Variants in ADK observed in about 807,000 individuals in gnomAD.
The protein encoded by ADK is N6,N6-dimethyladenosine kinase.
Under a neutral mutation model 44.7 loss-of-function variants are expected in ADK, and 24 were observed. That is an observed-to-expected ratio of 0.54 (90% CI 0.39 to 0.76). The LOEUF is 0.76. Among genes scored for constraint, ADK ranks in the 30% least tolerant of loss-of-function variants. The probability of loss-of-function intolerance (pLI) is 0.00; values close to 1 mark genes in which losing one functional copy is unlikely to be tolerated. For synonymous variants in ADK, 128 were observed against 142.6 expected (o/e 0.90, Z 0.73); for missense variants, 321 against 425.1 (o/e 0.76, Z 2.15).
chr10:74,493,504 A>G (rs1455848393), intron 6 of ADK, among the ~76,000 whole-genome samples: 1 of 151,210 alleles, frequency 6.6e-6, no homozygotes, highest in Non-Finnish European at 1.5e-5. Context: ...AGAGAGAGAT[A>G]TAGATATATA....
intron 3 of ADK, among the ~76,000 whole-genome samples, chr10:74,267,149 TAC>T (rs1327015467): frequency 6.6e-6 from 1 of 152,204 alleles, no homozygotes; most frequent in African/African-American, 2.4e-5. Flanking sequence ...TATATGCAAA[TAC>T]AGTTGACCCT....
chr10:74,474,635 C>A (rs1462062931), intron 6 of ADK, among the ~76,000 whole-genome samples: 1 of 151,732 alleles, frequency 6.6e-6, no homozygotes, highest in Non-Finnish European at 1.5e-5. Flanking sequence ...CCTCAGCATC[C>A]TGGGCTTAAT....
chr10:74,258,947 G>GTTTTTTTTTTTTTTT (rs141424052), intron 3 of ADK, among the ~76,000 whole-genome samples: 17 of 96,118 alleles, frequency 1.8e-4, no homozygotes, highest in East Asian at 5.5e-4. Flanking sequence ...TTGTTTTTGT[G>GTTTTTTTTTTTTTTT]TTTTTTTTTT....
At chr10:74,275,798 G>A (rs1209715839) in intron 3 of ADK, among the ~76,000 whole-genome samples, 4 of 151,996 alleles carry the variant, frequency 2.6e-5, no homozygotes, top group Admixed American at 1.3e-4. Context: ...GGACCACTAT[G>A]CCTGGGTAAT....
chr10:74,415,313 GAAAAT>G (rs912610024), intron 6 of ADK, among the ~76,000 whole-genome samples: 11 of 152,140 alleles, frequency 7.2e-5, no homozygotes, highest in Admixed American at 1.3e-4. Flanking sequence ...AGTTGCTTGA[GAAAAT>G]GAAATGTTTA....
chr10:74,550,289 T>TCGAACTCCTGACCTCAGG (rs1849986412), intron 7 of ADK, among the ~76,000 whole-genome samples: 1 of 152,074 alleles, frequency 6.6e-6, no homozygotes, highest in South Asian at 2.1e-4. Context: ...CAGGCTGGTC[T>TCGAACTCCTGACCTCAGG]CGAACTCCTG....
intron 3 of ADK, among the ~76,000 whole-genome samples, chr10:74,284,328 G>T (rs920369994): frequency 6.7e-6 from 1 of 148,534 alleles, no homozygotes; most frequent in Non-Finnish European, 1.5e-5. Context: ...GCAATGGCAC[G>T]ATCTCGGCTC....
At chr10:74,203,367 T>G (rs1326956275) in intron 2 of ADK, among the ~76,000 whole-genome samples, 2 of 151,234 alleles carry the variant, frequency 1.3e-5, no homozygotes, top group Non-Finnish European at 3.0e-5. Flanking sequence ...TGTTTTTTGT[T>G]TTTTTTTTGG....
intron 6 of ADK, among the ~76,000 whole-genome samples, chr10:74,410,613 A>T (rs1024261110): frequency 1.3e-5 from 2 of 152,102 alleles, no homozygotes; most frequent in African/African-American, 4.8e-5. Flanking sequence ...CCCAGGAGGC[A>T]GAGGTTGCGG....
At position 74,596,506 on chromosome 10, in the gene ADK, A is replaced by G. The variant is rs547376879; in HGVS notation, c.763-3873A>G. Among the ~76,000 whole-genome samples the G allele has an allele frequency of 5.3e-5, 8 of 151,640 alleles. No homozygotes were observed. In the South Asian group the frequency reaches 8.4e-4, roughly 16 times the overall value. On this transcript the variant is annotated intron_variant, in intron 8 of 10. Coordinates refer to ENST00000539909, the MANE Select transcript of ADK (RefSeq NM_006721.4). ...TGGGCTCAAGCAATCTGTAGATTCA[A>G]TGCAATCCCTATCAAAATTCCAATG... is the stretch of plus-strand genomic sequence containing the variant.
chr10:74,512,402 CT>C lies in ADK; in HGVS notation c.556-12837del, dbSNP rs36119808. Among the ~76,000 whole-genome samples, 881 of 128,506 alleles carry C rather than the reference CT, an allele frequency of 6.9e-3. 5 individuals are homozygous for C. The highest frequency in any genetic ancestry group is 0.021 in the African/African-American group (718 of 33,958). The allele number at this position is 128,506 out of a possible 152,430, so 84.3% of individuals were successfully genotyped here. ...AACAGTGAAGCCATCCAGTTCTGGA[CT>C]TTTTTTTTTTTTTTTTGGTGTTGGA... On this transcript the variant is annotated intron_variant, in intron 6 of 10. Coordinates refer to ENST00000539909, the MANE Select transcript of ADK (RefSeq NM_006721.4).
chr10:74,480,824 CT>C (rs1298492055), intron 6 of ADK, among the ~76,000 whole-genome samples: 1 of 152,150 alleles, frequency 6.6e-6, no homozygotes, highest in Non-Finnish European at 1.5e-5. Flanking sequence ...AGCAGCACAT[CT>C]TTTAAATGTG....
At chr10:74,238,342 C>T (rs1036033071) in intron 3 of ADK, among the ~76,000 whole-genome samples, 6 of 152,268 alleles carry the variant, frequency 3.9e-5, no homozygotes, top group Admixed American at 2.0e-4. Flanking sequence ...CCACTGGCAA[C>T]GCGGAAATGG....
Position 74,708,568 on chromosome 10 carries a change from T to A in ADK, c.*123T>A. 1.8e-6 allele frequency: 2 copies of A among 1,118,902 alleles called. No individual in the cohort carries two copies. Among genetic ancestry groups the A allele is most frequent in the East Asian group, 5.6e-5 (2 of 35,892 alleles). The allele number at this position is 1,118,902 out of a possible 1,614,324, so 69.3% of individuals were successfully genotyped here. On this transcript the variant is annotated 3_prime_UTR_variant, in exon 11 of 11. Transcript: ENST00000539909. ...TTTCCTACTATAATAATGCTGAATC[T>A]TAATTTAGAGGGTACAAGGGTATGG...
intron 2 of ADK, among the ~76,000 whole-genome samples, chr10:74,215,838 A>G (rs1192818167): frequency 1.4e-5 from 2 of 143,094 alleles, no homozygotes; most frequent in Non-Finnish European, 3.1e-5. Flanking sequence ...TATTTTTTTT[A>G]GTAGAGACGG....
intron 3 of ADK, among the ~76,000 whole-genome samples, chr10:74,259,861 C>T (rs1845977377): frequency 6.6e-6 from 1 of 152,132 alleles, no homozygotes; most frequent in South Asian, 2.1e-4. Context: ...TCTTGTCCTG[C>T]TCAGCTTTCT....
chr10:74,367,746 T>G (rs1054227164), intron 4 of ADK, among the ~76,000 whole-genome samples: 1 of 152,220 alleles, frequency 6.6e-6, no homozygotes, highest in South Asian at 2.1e-4. Flanking sequence ...CAATGCGTAT[T>G]TAGTGCCATA....
At chr10:74,426,349 G>T (rs193093049) in intron 6 of ADK, among the ~76,000 whole-genome samples, 3 of 152,128 alleles carry the variant, frequency 2.0e-5, no homozygotes, top group African/African-American at 7.2e-5. Flanking sequence ...CAAAATATTG[G>T]AAACCATATA....
At chr10:74,155,714 G>C (rs1010061069) in intron 1 of ADK, among the ~76,000 whole-genome samples, 1 of 151,968 alleles carries the variant, frequency 6.6e-6, no homozygotes, top group African/African-American at 2.4e-5. Flanking sequence ...ATTTTTAATA[G>C]AGACGGGGTT....
Sources: gnomAD v4.1 joint callset for allele counts (sites outside exome capture counted in the v4.1 genomes callset) on GRCh38, gnomAD v4.1.1 for gene constraint, MANE v1.5 for transcripts, NCBI Gene and HGNC (gene_info 2026-07-23, HGNC 2026-07-21) for gene names.